The following IL4I1 variants were observed in gnomAD, a reference collection of about 807,000 sequenced individuals.
IL4I1 encodes L-amino-acid oxidase.
In IL4I1, 24 loss-of-function variants were observed where a neutral mutation model predicts 29.7. The ratio of observed to expected loss-of-function variants is 0.81; its 90% CI spans 0.59 to 1.14. The LOEUF is 1.14. IL4I1 is among the 50% of genes most tolerant of loss of function. The pLI is 0.00. For synonymous variants in IL4I1, 371 were observed against 352.5 expected (o/e 1.05, Z -0.59); for missense variants, 686 against 785.6 (o/e 0.87, Z 1.52).
At chr19:49,892,750 T>C (rs777449600) in intron 5 of IL4I1, among the ~76,000 whole-genome samples, 5 of 152,142 alleles carry the variant, frequency 3.3e-5, no homozygotes, top group Non-Finnish European at 7.4e-5. Context: ...CACTCATGCA[T>C]CTCGCATCTC....
In IL4I1 at chr19:49,890,569, G is replaced by A. The variant is rs1301394005; in HGVS notation, c.805C>T (p.Leu269=). Residue 269 remains leucine, a synonymous_variant, in exon 8 of 8, where the codon CTG becomes TTG. Coordinates refer to ENST00000391826, the MANE Select transcript of IL4I1 (RefSeq NM_152899.2). The part of the protein sequence containing the change: ...YSRIVGGWDL[L]PRALLSSLSG... ...AGCGAGCTCAGCAGCGCGCGCGGCA[G>A]CAGGTCCCAGCCACCCACGATGCGG... 3 of 1,585,966 alleles carry A rather than the reference G, an allele frequency of 1.9e-6. No homozygotes were observed. Among genetic ancestry groups the A allele is most frequent in the East Asian group, 4.5e-5 (2 of 44,276 alleles).
At position 49,914,726 on chromosome 19, in the gene IL4I1, GTTTTTTTTTTTTTTT is replaced by G. The variant is rs530372497; in HGVS notation, c.-227-10420_-227-10406del. ...GATTCTTGTGCCACTCCAAGTCCCA[GTTTTTTTTTTTTTTT>G]TTTTTTTTTTTTTTTTGAGATGGAG... is the stretch of plus-strand genomic sequence containing the variant. On this transcript the variant is annotated intron_variant, in intron 2 of 9. Transcript: ENST00000341114. Among the ~76,000 whole-genome samples, 29 of 56,404 alleles carry G rather than the reference GTTTTTTTTTTTTTTT, an allele frequency of 5.1e-4. 1 individual carries two copies. The East Asian group carries it at 0.011, about 21-fold the overall frequency. The allele number at this position is 56,404 out of a possible 152,430, so 37.0% of individuals were successfully genotyped here.
At chr19:49,926,710 G>A (rs1214364459) in intron 2 of IL4I1, among the ~76,000 whole-genome samples, 1 of 152,126 alleles carries the variant, frequency 6.6e-6, no homozygotes, top group Middle Eastern at 3.2e-3. Flanking sequence ...AATCTATACA[G>A]CAATGGAATG....
chr19:49,922,784 G>A (rs1379075255), intron 2 of IL4I1, among the ~76,000 whole-genome samples: 1 of 151,970 alleles, frequency 6.6e-6, no homozygotes, highest in Admixed American at 6.6e-5. Context: ...TGCCAGTGTT[G>A]CTGCGGCCCC....
At chr19:49,907,537 CTTTTTTTTTTTT>C (rs4009637) in intron 2 of IL4I1, 59 of 332,846 alleles carry the variant, frequency 1.8e-4, no homozygotes, top group African/African-American at 1.7e-3. Context: ...CTGGGAGTTT[CTTTTTTTTTTTT>C]TTTTTTTTTG....
At chr19:49,909,082 A>C (rs754745409) in intron 2 of IL4I1, 3 of 1,612,632 alleles carry the variant, frequency 1.9e-6, no homozygotes, top group Non-Finnish European at 8.5e-7. Flanking sequence ...CTGTGGTCAC[A>C]GGGGTACAGA....
chr19:49,922,503 C>A (rs1251079116), intron 2 of IL4I1, among the ~76,000 whole-genome samples: 1 of 151,864 alleles, frequency 6.6e-6, no homozygotes, highest in Non-Finnish European at 1.5e-5. Flanking sequence ...TAAAGTCCAG[C>A]ACAGAGGGGA....
intron 7 of IL4I1, 93 bp from the exon 8 acceptor site, chr19:49,890,693 A>C: frequency 9.3e-7 from 1 of 1,070,586 alleles, no homozygotes; most frequent in Non-Finnish European, 1.2e-6. Context: ...GCTGGCCCTT[A>C]TGGGCACCGG....
intron 2 of IL4I1, chr19:49,911,220 G>A (rs751634334): frequency 2.6e-5 from 4 of 152,196 alleles, no homozygotes; most frequent in South Asian, 2.1e-4. Flanking sequence ...CTTAGAAGAC[G>A]GATTTGACTG....
At chr19:49,919,809 A>AAAAAT (rs1568716959) in intron 2 of IL4I1, among the ~76,000 whole-genome samples, 1 of 151,676 alleles carries the variant, frequency 6.6e-6, no homozygotes, top group Non-Finnish European at 1.5e-5. Flanking sequence ...CTTAATATAA[A>AAAAAT]AGGACTGGAA....
chr19:49,894,829 G>T (rs1042116257), intron 4 of IL4I1, among the ~76,000 whole-genome samples: 1 of 151,986 alleles, frequency 6.6e-6, no homozygotes, highest in Admixed American at 6.5e-5. Flanking sequence ...GGCCAGCACA[G>T]GAGCTGGCTT....
At position 49,896,172 on chromosome 19, in the gene IL4I1, G is replaced by A; in HGVS notation, c.-12C>T. On this transcript the variant is annotated 5_prime_UTR_variant, in exon 2 of 8. Transcript: ENST00000391826. ...CCCAATGGGGCCATGACTCTCGGTGGGAGATGGTGTCTGGGGTGGAGGAGA... is the reference window on the plus strand; with the variant it reads ...CCCAATGGGGCCATGACTCTCGGTGAGAGATGGTGTCTGGGGTGGAGGAGA... 6.6e-7 allele frequency: 1 copy of A among 1,519,098 alleles called. No individual in the cohort carries two copies. Among genetic ancestry groups the A allele is most frequent in the Non-Finnish European group, 8.8e-7 (1 of 1,130,978 alleles). The allele number at this position is 1,519,098 out of a possible 1,614,324, so 94.1% of individuals were successfully genotyped here. A position where few individuals can be genotyped will look rare whatever the true frequency, so the allele number is the denominator to read the frequency against.
chr19:49,890,632 G>A (rs1568683242), intron 7 of IL4I1, 32 bp from the exon 8 acceptor site: 1 of 1,463,228 alleles, frequency 6.8e-7, no homozygotes, highest in Non-Finnish European at 9.0e-7. Context: ...GTGGGGGCGT[G>A]ACCTGGGCTC....
At chr19:49,909,107 G>C in intron 2 of IL4I1, 1 of 1,612,468 alleles carries the variant, frequency 6.2e-7, no homozygotes, top group Non-Finnish European at 8.5e-7. Flanking sequence ...GAGTCCAGTG[G>C]TGGCAGATGA....
intron 2 of IL4I1, among the ~76,000 whole-genome samples, chr19:49,926,372 A>G (rs1264412980): frequency 6.6e-6 from 1 of 152,158 alleles, no homozygotes; most frequent in African/African-American, 2.4e-5. Context: ...TCTACTAAAA[A>G]TACAAAAATT....
At chr19:49,926,664 A>C (rs1354632962) in intron 2 of IL4I1, among the ~76,000 whole-genome samples, 1 of 152,226 alleles carries the variant, frequency 6.6e-6, no homozygotes, top group African/African-American at 2.4e-5. Context: ...AGTCTGCCCA[A>C]CAGTCTACCC....
In IL4I1 at chr19:49,921,584, G is replaced by T. The variant is rs1184234946; in HGVS notation, c.-228+6110C>A. Reference sequence around the variant, plus strand: ...ACGTTCCTGCTCTGTGGTAGGTCAGGAAGAAGAGGGCAAAGGAGTCTGCAT... The same window carrying T: ...ACGTTCCTGCTCTGTGGTAGGTCAGTAAGAAGAGGGCAAAGGAGTCTGCAT... On this transcript the variant is annotated intron_variant, in intron 2 of 9. Transcript: ENST00000341114. The surrounding 1 kb of genome is among the most constrained non-coding windows in gnomAD (Gnocchi z 5.4). Among the ~76,000 whole-genome samples the T allele has an allele frequency of 6.6e-6, 1 of 152,226 alleles. No homozygotes were observed. Among genetic ancestry groups the T allele is most frequent in the Non-Finnish European group, 1.5e-5 (1 of 68,040 alleles).
rs1056950119 is a variant in IL4I1, at chr19:49,921,539, C to T, written c.-228+6155G>A. 2.6e-5 allele frequency among the ~76,000 whole-genome samples: 4 copies of T among 152,178 alleles called. No individual in the cohort carries two copies. Among genetic ancestry groups the T allele is most frequent in the African/African-American group, 4.8e-5 (2 of 41,452 alleles). On this transcript the variant is annotated intron_variant, in intron 2 of 9. Transcript: ENST00000341114. The surrounding 1 kb of genome is among the most constrained non-coding windows in gnomAD (Gnocchi z 5.4). ...CGCCTGCAGGGAAGAGAGGGGCGTCCGCTGCTCGCCAACCCCCATACGTTC... is the reference window on the plus strand; with the variant it reads ...CGCCTGCAGGGAAGAGAGGGGCGTCTGCTGCTCGCCAACCCCCATACGTTC...
chr19:49,916,081 C>T (rs2075615904), intron 2 of IL4I1, among the ~76,000 whole-genome samples: 1 of 152,220 alleles, frequency 6.6e-6, no homozygotes, highest in Non-Finnish European at 1.5e-5. Context: ...CTGCAGCACA[C>T]CGAGCCCTTC....
Sources: allele counts gnomAD v4.1 joint callset (sites outside exome capture counted in the v4.1 genomes callset), GRCh38; gene constraint gnomAD v4.1.1; non-coding constraint Gnocchi (gnomAD v3.1); transcripts MANE v1.5; gene names NCBI Gene and HGNC (gene_info 2026-07-23, HGNC 2026-07-21).